JAZF1: variants seen among roughly 807,000 people sequenced by gnomAD.
The protein encoded by JAZF1 is juxtaposed with another zinc finger protein 1.
JAZF1 carries 8 observed loss-of-function variants against 26.4 expected under a neutral mutation model. The observed-to-expected ratio is 0.30, with a 90% CI of 0.18 to 0.55. JAZF1 has a LOEUF of 0.55. Among genes scored for constraint, JAZF1 ranks in the 20% least tolerant of loss-of-function variants. The pLI is 0.94. For missense variants in JAZF1, 199 were observed against 322.0 expected (o/e 0.62, Z 2.92); for synonymous variants, 126 against 122.3 (o/e 1.03, Z -0.20).
At chr7:27,994,261 T>C (rs1220120811) in intron 1 of JAZF1, among the ~76,000 whole-genome samples, 1 of 152,212 alleles carries the variant, frequency 6.6e-6, no homozygotes, top group Non-Finnish European at 1.5e-5. Flanking sequence ...CTTGTAATCT[T>C]GATTTACAAA....
At chr7:28,080,924 C>A (rs1260541309) in intron 1 of JAZF1, among the ~76,000 whole-genome samples, 2 of 145,626 alleles carry the variant, frequency 1.4e-5, no homozygotes, top group Admixed American at 6.7e-5. Flanking sequence ...CATAAACCTA[C>A]AATTTGTAAA....
At chr7:27,976,200 G>C (rs1288807276) in intron 2 of JAZF1, among the ~76,000 whole-genome samples, 1 of 152,050 alleles carries the variant, frequency 6.6e-6, no homozygotes, top group Non-Finnish European at 1.5e-5. Context: ...AAAAAAATTA[G>C]CCGGGCATGG....
intron 2 of JAZF1, among the ~76,000 whole-genome samples, chr7:27,944,415 A>G (rs548027684): frequency 6.6e-6 from 1 of 152,348 alleles, no homozygotes; most frequent in South Asian, 2.1e-4. Context: ...CCTATTTTGA[A>G]GAATATGCTT....
rs1554280805 is a variant in JAZF1 at position 27,998,067 on chromosome 7, A to AGGCAGGC, written c.116-6087_116-6086insGCCTGCC. On this transcript the variant is annotated intron_variant, in intron 1 of 4. Coordinates refer to ENST00000283928, the MANE Select transcript of JAZF1 (RefSeq NM_175061.4). ...GAAGGAAGGAAGGAAGGAAGGAAGGAAGGAAGGCAGGCAGGCAGGCAGGCA... is the reference window on the plus strand; with the variant it reads ...GAAGGAAGGAAGGAAGGAAGGAAGGAGGCAGGCAGGAAGGCAGGCAGGCAGGCAGGCA... Among the ~76,000 whole-genome samples the AGGCAGGC allele has an allele frequency of 3.2e-3, 233 of 72,808 alleles. 1 individual carries two copies. Among genetic ancestry groups the AGGCAGGC allele is most frequent in the Middle Eastern group, 7.4e-3 (1 of 136 alleles). The allele number at this position is 72,808 out of a possible 152,430, so 47.8% of individuals were successfully genotyped here.
chr7:28,071,822 C>T, intron 1 of JAZF1: 1 of 317,492 alleles, frequency 3.1e-6, no homozygotes, highest in Non-Finnish European at 6.5e-6. Flanking sequence ...TGCTCGGGTT[C>T]AGGAGAGATC....
intron 1 of JAZF1, among the ~76,000 whole-genome samples, chr7:28,148,416 G>T (rs868841106): frequency 6.6e-6 from 1 of 152,096 alleles, no homozygotes; most frequent in Non-Finnish European, 1.5e-5. Flanking sequence ...TTTAGAGGCC[G>T]CATAGCAGAG....
At chr7:27,926,364 G>A (rs1784600945) in intron 2 of JAZF1, among the ~76,000 whole-genome samples, 1 of 152,132 alleles carries the variant, frequency 6.6e-6, no homozygotes, top group African/African-American at 2.4e-5. Flanking sequence ...ACTGTACAAG[G>A]GAGATGGTGA....
intron 3 of JAZF1, among the ~76,000 whole-genome samples, chr7:27,859,969 C>A (rs536772415): frequency 1.3e-5 from 2 of 152,156 alleles, no homozygotes; most frequent in Admixed American, 6.5e-5. Flanking sequence ...AAGTGCTCAG[C>A]GAGCCTGCCA....
chr7:27,884,085 TG>T (rs1323735430), intron 3 of JAZF1, among the ~76,000 whole-genome samples: 1 of 152,242 alleles, frequency 6.6e-6, no homozygotes, highest in Non-Finnish European at 1.5e-5. Context: ...CATTCCTGCC[TG>T]AGCAACCACT....
intron 2 of JAZF1, among the ~76,000 whole-genome samples, chr7:27,950,166 A>G (rs1481888268): frequency 6.6e-6 from 1 of 152,246 alleles, no homozygotes; most frequent in African/African-American, 2.4e-5. Flanking sequence ...GAGACTATGT[A>G]TATCAAAATA....
chr7:28,138,354 A>G (rs990632994), intron 1 of JAZF1, among the ~76,000 whole-genome samples: 8 of 152,348 alleles, frequency 5.3e-5, no homozygotes, highest in Middle Eastern at 3.4e-3. Context: ...CCTACTATTA[A>G]TTAATTTATG....
chr7:28,075,465 A>C (rs1215449098), intron 1 of JAZF1, among the ~76,000 whole-genome samples: 1 of 152,160 alleles, frequency 6.6e-6, no homozygotes, highest in Non-Finnish European at 1.5e-5. Context: ...AGAGTAAAAA[A>C]ACTTTACCTC....
At chr7:27,870,752 A>T (rs1044442931) in intron 3 of JAZF1, among the ~76,000 whole-genome samples, 1 of 152,178 alleles carries the variant, frequency 6.6e-6, no homozygotes, top group Admixed American at 6.5e-5. Flanking sequence ...ATGGGAAACC[A>T]GCATTTGCAA....
At chr7:28,010,637 G>T (rs573277201) in intron 1 of JAZF1, among the ~76,000 whole-genome samples, 2 of 152,288 alleles carry the variant, frequency 1.3e-5, no homozygotes, top group East Asian at 3.9e-4. Flanking sequence ...CTACATGGTA[G>T]AATCTGCCTT....
intron 1 of JAZF1, among the ~76,000 whole-genome samples, chr7:28,125,647 CT>C (rs1467138076): frequency 6.6e-6 from 1 of 152,066 alleles, no homozygotes; most frequent in Non-Finnish European, 1.5e-5. Flanking sequence ...TAACATCATT[CT>C]GGTGTTCAAA....
chr7:27,911,401 T>C (rs1562526787), intron 2 of JAZF1, among the ~76,000 whole-genome samples: 4 of 152,156 alleles, frequency 2.6e-5, no homozygotes, highest in African/African-American at 9.7e-5. Flanking sequence ...CCTTGAGACA[T>C]CAGGTAGTTT....
At chr7:27,877,207 C>A (rs1339910826) in intron 3 of JAZF1, among the ~76,000 whole-genome samples, 1 of 152,186 alleles carries the variant, frequency 6.6e-6, no homozygotes, top group Non-Finnish European at 1.5e-5. Flanking sequence ...AAACACAACT[C>A]GAGGTAATGG....
chr7:28,135,092 A>T (rs559701073), intron 1 of JAZF1, among the ~76,000 whole-genome samples: 1 of 152,230 alleles, frequency 6.6e-6, no homozygotes, highest in East Asian at 1.9e-4. Context: ...TATTTTCCTT[A>T]TATAGTAGCA....
At position 27,960,333 on chromosome 7, in the gene JAZF1, C is replaced by T. The variant is rs934330411; in HGVS notation, c.188+31576G>A. Among the ~76,000 whole-genome samples, 3 of 152,184 alleles carry T rather than the reference C, an allele frequency of 2.0e-5. No individual in the cohort carries two copies. In the East Asian group the frequency reaches 5.8e-4, roughly 29 times the overall value. ...AAACCTCTAAATGCTAATTTTTAAC[C>T]TGCATATCTTTCTTGCCAAGGGCAC... is the stretch of plus-strand genomic sequence containing the variant. On this transcript the variant is annotated intron_variant, in intron 2 of 4. Transcript: ENST00000283928.
Sources: allele counts gnomAD v4.1 joint callset (sites outside exome capture counted in the v4.1 genomes callset), GRCh38; gene constraint gnomAD v4.1.1; transcripts MANE v1.5; gene names NCBI Gene and HGNC (gene_info 2026-07-23, HGNC 2026-07-21).